The following NTM variants were observed in gnomAD, a reference collection of about 807,000 sequenced individuals.
The protein encoded by NTM is IgLON family member 2.
In NTM, 13 loss-of-function variants were observed where a neutral mutation model predicts 42.1. The ratio of observed to expected loss-of-function variants is 0.31; its 90% CI spans 0.20 to 0.49. NTM has a LOEUF of 0.49. Among genes scored for constraint, NTM ranks in the 20% least tolerant of loss-of-function variants. NTM has a pLI of 0.99. For missense variants in NTM, 373 were observed against 452.8 expected, an observed-to-expected ratio of 0.82 and a Z score of 1.60; for synonymous variants, 187 against 179.2, an observed-to-expected ratio of 1.04 and a Z score of -0.35.
At chr11:132,207,920 G>A (rs897518756) in intron 3 of NTM, among the ~76,000 whole-genome samples, 11 of 152,102 alleles carry the variant, frequency 7.2e-5, no homozygotes, top group African/African-American at 2.4e-4. Context: ...AGAATATTAG[G>A]CTTCTGCATC....
chr11:131,514,285 C>T (rs2048617100), intron 1 of NTM, among the ~76,000 whole-genome samples: 1 of 152,096 alleles, frequency 6.6e-6, no homozygotes, highest in Admixed American at 6.6e-5. Context: ...GTAGGTAATA[C>T]AAACATCTAC....
At chr11:132,295,347 A>G (rs979600354) in intron 4 of NTM, among the ~76,000 whole-genome samples, 1 of 152,148 alleles carries the variant, frequency 6.6e-6, no homozygotes, top group Non-Finnish European at 1.5e-5. Flanking sequence ...CTTTGCCCAC[A>G]TGATCATGTG....
chr11:131,613,054 G>T (rs116954884), intron 1 of NTM, among the ~76,000 whole-genome samples: 1 of 152,214 alleles, frequency 6.6e-6, no homozygotes, highest in Non-Finnish European at 1.5e-5. Context: ...CTGCACTTCC[G>T]TGTGCCTCCC....
chr11:132,065,093 C>T (rs945495951), intron 2 of NTM, among the ~76,000 whole-genome samples: 6 of 152,182 alleles, frequency 3.9e-5, no homozygotes, highest in African/African-American at 1.4e-4. Flanking sequence ...GCATGTGACT[C>T]TTGGGGAAAC....
intron 2 of NTM, among the ~76,000 whole-genome samples, chr11:132,042,111 A>T (rs923214064): frequency 6.6e-6 from 1 of 152,166 alleles, no homozygotes; most frequent in Admixed American, 6.5e-5. Context: ...GGTTGCCACA[A>T]TGTAATCTCC....
intron 1 of NTM, among the ~76,000 whole-genome samples, chr11:131,710,152 T>C (rs1299237477): frequency 2.0e-5 from 3 of 152,212 alleles, no homozygotes; most frequent in African/African-American, 4.8e-5. Context: ...ACCCATTCAC[T>C]GGTGCCAGAT....
chr11:132,057,134 G>C (rs984971721), intron 2 of NTM, among the ~76,000 whole-genome samples: 2 of 152,212 alleles, frequency 1.3e-5, no homozygotes, highest in Non-Finnish European at 2.9e-5. Context: ...CAAATGTTTA[G>C]CCTCAATCGG....
intron 3 of NTM, among the ~76,000 whole-genome samples, chr11:132,199,147 T>G (rs1484449384): frequency 6.6e-6 from 1 of 152,122 alleles, no homozygotes; most frequent in African/African-American, 2.4e-5. Context: ...TTAAATCATG[T>G]TATGTGGACA....
intron 3 of NTM, among the ~76,000 whole-genome samples, chr11:132,202,840 A>G (rs2081362699): frequency 6.6e-6 from 1 of 152,164 alleles, no homozygotes; most frequent in African/African-American, 2.4e-5. Context: ...TTTATGACTA[A>G]TCCTGAAAAA....
At chr11:131,662,191 T>C (rs2134481329) in intron 1 of NTM, 1 of 152,366 alleles carries the variant, frequency 6.6e-6, no homozygotes, top group South Asian at 2.1e-4. Flanking sequence ...CTTTAAATCT[T>C]CTTTCTCTTG....
At chr11:131,752,785 A>G (rs1223575000) in intron 1 of NTM, among the ~76,000 whole-genome samples, 1 of 110,986 alleles carries the variant, frequency 9.0e-6, no homozygotes, top group African/African-American at 3.3e-5. Flanking sequence ...AACCACAAAA[A>G]CCCTAGAAGA....
At chr11:132,251,738 G>A (rs770987661) in intron 4 of NTM, among the ~76,000 whole-genome samples, 8 of 152,190 alleles carry the variant, frequency 5.3e-5, no homozygotes, top group Non-Finnish European at 1.0e-4. Context: ...GATCCTCGGT[G>A]TGTATTTTGC....
chr11:132,089,502 G>C (rs1036265969), intron 2 of NTM, among the ~76,000 whole-genome samples: 2 of 152,184 alleles, frequency 1.3e-5, no homozygotes, highest in Admixed American at 6.5e-5. Flanking sequence ...AACTAATTGA[G>C]AAGACTATGG....
intron 1 of NTM, among the ~76,000 whole-genome samples, chr11:131,870,792 T>A (rs2047700842): frequency 6.6e-6 from 1 of 152,252 alleles, no homozygotes; most frequent in Non-Finnish European, 1.5e-5. Context: ...ATAACCCACA[T>A]GTACTACCCA....
intron 4 of NTM, among the ~76,000 whole-genome samples, chr11:132,264,514 A>G (rs1029126429): frequency 3.3e-5 from 5 of 152,204 alleles, no homozygotes; most frequent in Admixed American, 3.3e-4. Context: ...ATTTGCATGT[A>G]ATAAAATCTG....
At chr11:131,948,204 A>T (rs484320) in intron 2 of NTM, among the ~76,000 whole-genome samples, 49,995 of 151,054 alleles carry the variant, frequency 0.33, 8,494 homozygotes, top group East Asian at 0.49. Context: ...TACTAAAAAT[A>T]TAAAAAAAAA....
At chr11:131,483,119 T>C (rs1193795820) in intron 1 of NTM, among the ~76,000 whole-genome samples, 1 of 152,216 alleles carries the variant, frequency 6.6e-6, no homozygotes, top group Non-Finnish European at 1.5e-5. Flanking sequence ...CATATGGGGT[T>C]CTGGGATGAC....
chr11:131,865,885 CT>C, intron 1 of NTM, among the ~76,000 whole-genome samples: 1 of 119,380 alleles, frequency 8.4e-6, no homozygotes, highest in African/African-American at 3.1e-5. Context: ...ACACACACAC[CT>C]CCCACATTCA....
intron 1 of NTM, among the ~76,000 whole-genome samples, chr11:131,423,204 C>A (rs1489633334): frequency 2.0e-5 from 3 of 152,204 alleles, no homozygotes; most frequent in African/African-American, 7.2e-5. Flanking sequence ...TCACTTATTA[C>A]TTAGAGTAAC....
Sources: allele counts gnomAD v4.1 joint callset (sites outside exome capture counted in the v4.1 genomes callset), GRCh38; gene constraint gnomAD v4.1.1; transcripts MANE v1.5; gene names NCBI Gene and HGNC (gene_info 2026-07-23, HGNC 2026-07-21).